The following NEBL variants were observed in gnomAD, a reference collection of about 807,000 sequenced individuals.
The protein encoded by NEBL is LIM and SH3 protein 2.
A neutral mutation model predicts 140.2 loss-of-function variants in NEBL; 122 were observed. The ratio of observed to expected loss-of-function variants is 0.87; its 90% confidence interval spans 0.75 to 1.01. NEBL has a LOEUF of 1.01. Ranked by LOEUF, NEBL falls within the 50% of genes least tolerant of loss-of-function variation. The pLI is 0.00. For missense variants in NEBL, 1,365 were observed against 1,231.3 expected, an observed-to-expected ratio of 1.11 and a Z score of -1.62; for synonymous variants, 436 against 398.9, an observed-to-expected ratio of 1.09 and a Z score of -1.11.
intron 1 of NEBL, among the ~76,000 whole-genome samples, chr10:21,252,928 C>T (rs12254711): frequency 0.09 from 13,700 of 151,884 alleles, 902 homozygotes; most frequent in African/African-American, 0.18. Context: ...GCACTCCAGC[C>T]GGGGCAACAA....
intron 26 of NEBL, among the ~76,000 whole-genome samples, chr10:20,795,218 T>A (rs572016854): frequency 3.4e-4 from 51 of 152,196 alleles, no homozygotes; most frequent in African/African-American, 1.2e-3. Context: ...CCTTCCTGCT[T>A]GGGGCAGTAG....
At chr10:20,810,245 C>G (rs1368091147) in intron 24 of NEBL, among the ~76,000 whole-genome samples, 2 of 152,138 alleles carry the variant, frequency 1.3e-5, no homozygotes, top group African/African-American at 4.8e-5. Context: ...CCCTGAATCC[C>G]CAGTCACTCT....
At chr10:21,088,822 C>T (rs1015968292) in intron 2 of NEBL, among the ~76,000 whole-genome samples, 5 of 152,222 alleles carry the variant, frequency 3.3e-5, no homozygotes, top group Non-Finnish European at 5.9e-5. Context: ...ATCTGCCAAC[C>T]CTTCTACAGA....
rs76665596 is a variant in NEBL, at chr10:21,152,109, C to A, written c.164+20274G>T. The stretch of plus-strand genomic sequence containing the variant: ...GAAGGAGTGAGTGCATTTCCGCTAT[C>A]CGGAAATGGGACAGAGAAGGCAAGT... On this transcript the variant is annotated intron_variant, in intron 2 of 6. Transcript: ENST00000417816. Among the ~76,000 whole-genome samples, 694 of 152,232 alleles carry A rather than the reference C, an allele frequency of 4.6e-3. 2 individuals are homozygous for A. The highest frequency in any genetic ancestry group is 6.4e-3 in the Non-Finnish European group (434 of 68,014).
At chr10:20,804,651 C>A (rs1210938298) in intron 26 of NEBL, 1 of 152,022 alleles carries the variant, frequency 6.6e-6, no homozygotes, top group South Asian at 2.1e-4. Flanking sequence ...GCTGGGGGAA[C>A]AGTGTGTGCA....
At chr10:21,162,859 C>T (rs1191207918) in intron 2 of NEBL, among the ~76,000 whole-genome samples, 3 of 152,248 alleles carry the variant, frequency 2.0e-5, no homozygotes, top group Non-Finnish European at 4.4e-5. Flanking sequence ...ATCAAAGTCA[C>T]TCCAATGCCA....
chr10:20,900,468 A>C (rs952028933), upstream of NEBL, among the ~76,000 whole-genome samples: 4 of 151,868 alleles, frequency 2.6e-5, no homozygotes, highest in Non-Finnish European at 5.9e-5. Flanking sequence ...TCACAAGGTC[A>C]GGAGTTCGAG....
chr10:21,003,668 T>C (rs562199213), intron 3 of NEBL, among the ~76,000 whole-genome samples: 1 of 152,342 alleles, frequency 6.6e-6, no homozygotes, highest in African/African-American at 2.4e-5. Context: ...CACATCCTGC[T>C]GTGAAGCTAA....
chr10:21,240,168 C>G (rs577480071), intron 3 of NEBL, among the ~76,000 whole-genome samples: 2 of 152,236 alleles, frequency 1.3e-5, no homozygotes, highest in African/African-American at 4.8e-5. Context: ...TAGTTCAAAC[C>G]AGCTAAGTTA....
At chr10:20,796,271 A>G (rs1388630311) in intron 26 of NEBL, among the ~76,000 whole-genome samples, 1 of 147,460 alleles carries the variant, frequency 6.8e-6, no homozygotes, top group Non-Finnish European at 1.5e-5. Context: ...GCTGAGGAGA[A>G]TCGCTTGAAC....
chr10:21,082,155 A>G (rs768710635), intron 2 of NEBL, among the ~76,000 whole-genome samples: 1 of 151,746 alleles, frequency 6.6e-6, no homozygotes, highest in Non-Finnish European at 1.5e-5. Context: ...ACTGGGCTTC[A>G]AAAGAGTCGT....
chr10:20,874,692 T>C (rs1845308831), intron 5 of NEBL, among the ~76,000 whole-genome samples: 1 of 152,180 alleles, frequency 6.6e-6, no homozygotes, highest in African/African-American at 2.4e-5. Context: ...GAGATAGATT[T>C]CCGTCACGAA....
intron 20 of NEBL, chr10:20,819,016 G>A: frequency 7.0e-6 from 7 of 996,180 alleles, no homozygotes; most frequent in Non-Finnish European, 7.2e-6. Flanking sequence ...ACTTTTTCAT[G>A]TTATAATGAT....
intron 4 of NEBL, among the ~76,000 whole-genome samples, chr10:20,881,376 T>C (rs1481020200): frequency 6.6e-6 from 1 of 152,196 alleles, no homozygotes; most frequent in Non-Finnish European, 1.5e-5. Context: ...GGAGAAAATA[T>C]AGCATGCAGG....
chr10:20,869,287 T>G lies in NEBL; in HGVS notation c.582+453A>C, dbSNP rs113380076. ...AATGGTATTAACTAAAGCGGGCACC[T>G]TAGAGAAGGTAAGAAACAGTTACGC... On this transcript the variant is annotated intron_variant, in intron 6 of 27. Coordinates refer to ENST00000377122, the MANE Select transcript of NEBL (RefSeq NM_006393.3). Among the ~76,000 whole-genome samples, 960 of 152,242 alleles carry G rather than the reference T, an allele frequency of 6.3e-3. 11 individuals are homozygous for G. The highest frequency in any genetic ancestry group is 0.022 in the African/African-American group (932 of 41,540).
At chr10:21,200,069 T>C (rs974542921) in intron 3 of NEBL, among the ~76,000 whole-genome samples, 60 of 151,956 alleles carry the variant, frequency 3.9e-4, no homozygotes, top group Admixed American at 7.2e-4. Context: ...GAACACCCCA[T>C]GGGATCAGCT....
At chr10:21,093,018 A>C (rs1836994051) in intron 2 of NEBL, among the ~76,000 whole-genome samples, 1 of 152,186 alleles carries the variant, frequency 6.6e-6, no homozygotes, top group African/African-American at 2.4e-5. Context: ...TTATGACAAG[A>C]GAATAATGAA....
chr10:21,046,072 G>A lies in NEBL; in HGVS notation c.165-25871C>T, dbSNP rs187013714. ...TAGCCTTTAAAAAGAAGAAAATCCC[G>A]TCATTTGTGACAACATGGATAAAAC... On this transcript the variant is annotated intron_variant, in intron 2 of 6. Transcript: ENST00000417816. 3.5e-3 allele frequency among the ~76,000 whole-genome samples: 537 copies of A among 152,234 alleles called. 2 individuals carry two copies. The highest frequency in any genetic ancestry group is 5.8e-3 in the South Asian group (28 of 4,826).
intron 3 of NEBL, among the ~76,000 whole-genome samples, chr10:20,889,139 A>G (rs1195568049): frequency 1.3e-5 from 2 of 152,240 alleles, no homozygotes; most frequent in African/African-American, 4.8e-5. Context: ...TCAGTCATTT[A>G]CAACACTATT....
Sources: gnomAD v4.1 joint callset for allele counts (sites outside exome capture counted in the v4.1 genomes callset) on GRCh38, gnomAD v4.1.1 for gene constraint, MANE v1.5 for transcripts, NCBI Gene and HGNC (gene_info 2026-07-23, HGNC 2026-07-21) for gene names.